Variants in RNF34 observed in about 807,000 individuals in gnomAD.
The protein encoded by RNF34 is E3 ubiquitin-protein ligase RNF34.
A neutral mutation model predicts 37.9 loss-of-function variants in RNF34; 12 were observed. The ratio of observed to expected loss-of-function variants is 0.32; its 90% confidence interval spans 0.20 to 0.51. The LOEUF (loss-of-function observed/expected upper bound fraction) is 0.51. Among genes scored for constraint, RNF34 ranks in the 20% least tolerant of loss-of-function variants. The pLI, the probability that RNF34 is intolerant of heterozygous loss-of-function variation, is 0.97. For synonymous variants in RNF34, 155 were observed against 177.2 expected, an observed-to-expected ratio of 0.87 and a Z score of 1.00; for missense variants, 362 against 472.7, an observed-to-expected ratio of 0.77 and a Z score of 2.17.
chr12:121,422,782 T>C (rs555050713), intron 5 of RNF34, among the ~76,000 whole-genome samples: 10 of 152,180 alleles, frequency 6.6e-5, no homozygotes, highest in African/African-American at 2.2e-4. Flanking sequence ...TTTTCTCAGA[T>C]GTAAAGGTGG....
intron 1 of RNF34, chr12:121,404,938 AAG>A (rs1156284627): frequency 6.6e-6 from 1 of 152,274 alleles, no homozygotes; most frequent in Non-Finnish European, 1.5e-5. Context: ...CTGTGCCAGA[AAG>A]AGAGCTGGGC....
rs1046908924 is a variant in RNF34 at position 121,424,136 on chromosome 12, C to G, written c.*560C>G. The G allele has an allele frequency of 6.5e-6, 1 of 152,762 alleles. No homozygotes were observed. 9.5% of individuals were successfully genotyped at this position (152,762 alleles called of 1,614,324 possible). The stretch of plus-strand genomic sequence containing the variant: ...TTGGGAACAACTGACATTCTCTAGT[C>G]GACTGCCAGGGCCTTAGACTCCACA... On this transcript the variant is annotated 3_prime_UTR_variant, in exon 6 of 6. Transcript: ENST00000361234.
At chr12:121,422,914 A>G (rs1490628551) in intron 5 of RNF34, among the ~76,000 whole-genome samples, 5 of 142,108 alleles carry the variant, frequency 3.5e-5, no homozygotes, top group African/African-American at 1.5e-4. Flanking sequence ...TAACTTTCCT[A>G]AGGGGGAACT....
chr12:121,415,708 G>A (rs1417018601), intron 1 of RNF34, among the ~76,000 whole-genome samples: 2 of 152,016 alleles, frequency 1.3e-5, no homozygotes, highest in African/African-American at 2.4e-5. Context: ...TAGAACTGTG[G>A]TGCAATGGCC....
chr12:121,407,905 A>G (rs1870703472), intron 1 of RNF34, among the ~76,000 whole-genome samples: 1 of 151,208 alleles, frequency 6.6e-6, no homozygotes, highest in African/African-American at 2.4e-5. Flanking sequence ...TGTTCCCCCC[A>G]TCCCTTGTCC....
chr12:121,407,010 G>A (rs891661803), intron 1 of RNF34, among the ~76,000 whole-genome samples: 2 of 152,084 alleles, frequency 1.3e-5, no homozygotes, highest in Admixed American at 6.6e-5. Context: ...AGTTGGTCCC[G>A]CCAGCAGGTA....
At chr12:121,406,884 A>G (rs1402180603) in intron 1 of RNF34, among the ~76,000 whole-genome samples, 1 of 152,178 alleles carries the variant, frequency 6.6e-6, no homozygotes, top group African/African-American at 2.4e-5. Flanking sequence ...GAGGAAATTT[A>G]GCTATCTTCA....
At chr12:121,414,973 G>A (rs1277116474) in intron 1 of RNF34, among the ~76,000 whole-genome samples, 3 of 152,232 alleles carry the variant, frequency 2.0e-5, no homozygotes, top group African/African-American at 7.2e-5. Flanking sequence ...GCGGATGCCT[G>A]TAATCCCAGC....
intron 1 of RNF34, chr12:121,415,440 G>T (rs1336679837): frequency 5.2e-6 from 1 of 191,848 alleles, no homozygotes; most frequent in African/African-American, 2.3e-5. Flanking sequence ...GGACAACATG[G>T]TGAAACCCAA....
chr12:121,415,677 G>A (rs1871498519), intron 1 of RNF34, among the ~76,000 whole-genome samples: 2 of 152,090 alleles, frequency 1.3e-5, no homozygotes, highest in African/African-American at 4.8e-5. Flanking sequence ...AATAATAGCT[G>A]AGAAAATCTG....
rs782242313 is a variant in RNF34 at position 121,417,928 on chromosome 12, A to C, written c.633+17A>C. On this transcript the variant is annotated intron_variant, in intron 3 of 5. Coordinates refer to ENST00000361234, the MANE Select transcript of RNF34 (RefSeq NM_025126.4). The surrounding 1 kb of genome is among the most constrained non-coding windows in gnomAD (Gnocchi z 5.0). ...CCGGCACAGGTACGAGGGGGTAACT[A>C]ATTACACCCAGGGCCCGGCACGCTT... The C allele has an allele frequency of 1.9e-5, 30 of 1,608,412 alleles. No homozygotes were observed. The highest frequency in any genetic ancestry group is 2.5e-5 in the Non-Finnish European group (30 of 1,177,474).
chr12:121,409,489 A>G (rs1555281084), intron 1 of RNF34: 1 of 152,248 alleles, frequency 6.6e-6, no homozygotes, highest in Non-Finnish European at 1.5e-5. Flanking sequence ...CAGCTGAAAC[A>G]GTGTAGGCAG....
chr12:121,418,226 C>A, intron 3 of RNF34: 2 of 311,518 alleles, frequency 6.4e-6, no homozygotes, highest in South Asian at 1.0e-4. Flanking sequence ...GTAGCACATA[C>A]ACATTTGTAG....
chr12:121,422,697 G>C (rs1253666737), intron 5 of RNF34, among the ~76,000 whole-genome samples: 1 of 152,162 alleles, frequency 6.6e-6, no homozygotes, highest in African/African-American at 2.4e-5. Flanking sequence ...CAAATCCATA[G>C]CCCTATGGCC....
At position 121,417,501 on chromosome 12, in the gene RNF34, C is replaced by G. The variant is rs782409165; in HGVS notation, c.226-3C>G. The G allele has an allele frequency of 6.2e-7, 1 of 1,606,422 alleles. No individual in the cohort carries two copies. The highest frequency in any genetic ancestry group is 8.5e-7 in the Non-Finnish European group (1 of 1,175,572). On this transcript the variant is annotated splice_region_variant and splice_polypyrimidine_tract_variant and intron_variant, in intron 2 of 5. Transcript: ENST00000361234. The surrounding 1 kb of genome is among the most constrained non-coding windows in gnomAD (Gnocchi z 5.0). ...CTGTCATCAAATGCTTTTCTTTCTT[C>G]AGCATGTTTGCTGTGACTGCAAGAA...
intron 1 of RNF34, among the ~76,000 whole-genome samples, 199 bp from the exon 2 acceptor site, chr12:121,415,960 G>A (rs529154386): frequency 6.7e-4 from 101 of 151,228 alleles, no homozygotes; most frequent in Middle Eastern, 6.9e-3. Context: ...AGAGATCATG[G>A]GTATTGGCAA....
intron 1 of RNF34, among the ~76,000 whole-genome samples, chr12:121,409,973 T>G (rs1484486855): frequency 6.6e-6 from 1 of 151,302 alleles, no homozygotes; most frequent in Non-Finnish European, 1.5e-5. Flanking sequence ...CTGACCAACA[T>G]GGAGAAACCC....
chr12:121,405,528 G>A (rs1185588960), intron 1 of RNF34, among the ~76,000 whole-genome samples: 1 of 152,080 alleles, frequency 6.6e-6, no homozygotes, highest in Non-Finnish European at 1.5e-5. Context: ...CTGTCACCTA[G>A]GCTGGAGTGC....
chr12:121,403,417 A>G (rs959104661), intron 1 of RNF34, among the ~76,000 whole-genome samples: 73 of 151,454 alleles, frequency 4.8e-4, no homozygotes, highest in African/African-American at 1.7e-3. Context: ...ACCAAAACAA[A>G]AAAAAAAAAG....
Sources: allele counts gnomAD v4.1 joint callset (sites outside exome capture counted in the v4.1 genomes callset), GRCh38; gene constraint gnomAD v4.1.1; non-coding constraint Gnocchi (gnomAD v3.1); transcripts MANE v1.5; gene names NCBI Gene and HGNC (gene_info 2026-07-23, HGNC 2026-07-21).